ARHGEF4: variants seen among roughly 807,000 people sequenced by gnomAD.
ARHGEF4 encodes APC-stimulated guanine nucleotide exchange factor 1.
A neutral mutation model predicts 162.0 loss-of-function variants in ARHGEF4; 119 were observed. The observed-to-expected ratio is 0.73, with a 90% CI of 0.63 to 0.86. The LOEUF (loss-of-function observed/expected upper bound fraction) is 0.86, where lower values mean the gene tolerates loss of function less well. Among genes scored for constraint, ARHGEF4 ranks in the 40% least tolerant of loss-of-function variants. The pLI is 0.00. For missense variants in ARHGEF4, 2,488 were observed against 2,456.0 expected, an observed-to-expected ratio of 1.01 and a Z score of -0.28; for synonymous variants, 1,014 against 979.9, an observed-to-expected ratio of 1.03 and a Z score of -0.65.
chr2:130,946,558 G>T lies in ARHGEF4; in HGVS notation c.3908G>T (p.Arg1303Ile). ...ITSPESLNLP[R>I]RSHPLSQSAP... ...TCTCCAGAGTCTTTGAATCTCCCTA[G>T]AAGAAGCCATCCACTCTCCCAGAGT... The change falls in exon 4 of 14, where the codon AGA becomes ATA. Residue 1303 changes from arginine (R) to isoleucine (I), a missense_variant. By Grantham distance (97) the Arg-to-Ile change is moderately conservative. Coordinates refer to ENST00000409359, the MANE Select transcript of ARHGEF4 (RefSeq NM_001367493.1). 6.2e-7 allele frequency: 1 copy of T among 1,614,070 alleles called. No individual in the cohort carries two copies. Among genetic ancestry groups the T allele is most frequent in the Non-Finnish European group, 8.5e-7 (1 of 1,179,958 alleles).
chr2:130,970,604 A>G lies in ARHGEF4; in HGVS notation c.3985+23969A>G, dbSNP rs899207725. Among the ~76,000 whole-genome samples the G allele has an allele frequency of 2.6e-3, 393 of 151,368 alleles. 6 individuals are homozygous for G. Among genetic ancestry groups the G allele is most frequent in the African/African-American group, 8.3e-3 (343 of 41,244 alleles). Reference sequence around the variant, plus strand: ...AACTCCATCAAAAAAAAAAAAAAAAAAAAAGAAAAGCCATCTATTAGGTAT... The same window carrying G: ...AACTCCATCAAAAAAAAAAAAAAAAGAAAAGAAAAGCCATCTATTAGGTAT... On this transcript the variant is annotated intron_variant, in intron 4 of 13. Transcript: ENST00000409359.
chr2:131,025,847 A>G (rs1445384766), intron 4 of ARHGEF4, among the ~76,000 whole-genome samples: 1 of 152,212 alleles, frequency 6.6e-6, no homozygotes, highest in Non-Finnish European at 1.5e-5. Context: ...ATGTCTGAAA[A>G]GAGTCTTCAA....
chr2:130,967,036 G>T (rs111689375), intron 4 of ARHGEF4, among the ~76,000 whole-genome samples: 25 of 152,286 alleles, frequency 1.6e-4, no homozygotes, highest in African/African-American at 5.5e-4. Flanking sequence ...TGTGATTTTT[G>T]TGGTGGGGCC....
At chr2:130,967,994 A>C (rs1433798995) in intron 4 of ARHGEF4, among the ~76,000 whole-genome samples, 1 of 152,162 alleles carries the variant, frequency 6.6e-6, no homozygotes, top group African/African-American at 2.4e-5. Context: ...CTTGGTGTTC[A>C]GGGTGGAGGT....
chr2:130,955,247 G>A (rs1558765346), intron 4 of ARHGEF4, among the ~76,000 whole-genome samples: 1 of 151,914 alleles, frequency 6.6e-6, no homozygotes, highest in African/African-American at 2.4e-5. Context: ...TTACTACCTT[G>A]GACTTGATAA....
chr2:130,902,359 G>A (rs557792928), intron 1 of ARHGEF4, among the ~76,000 whole-genome samples: 2 of 152,144 alleles, frequency 1.3e-5, no homozygotes, highest in Admixed American at 6.5e-5. Flanking sequence ...TTTGGGAGGC[G>A]AAGGTGGGCA....
rs1681499114 is a variant in ARHGEF4, at chr2:130,916,392, G to A, written c.2446G>A (p.Ala816Thr). 1.3e-6 allele frequency: 2 copies of A among 1,530,432 alleles called. No individual in the cohort carries two copies. Among genetic ancestry groups the A allele is most frequent in the Non-Finnish European group, 1.8e-6 (2 of 1,141,798 alleles). 94.8% of individuals were successfully genotyped at this position (1,530,432 alleles called of 1,614,324 possible). Residue 816 changes from alanine to threonine, a missense_variant, in exon 2 of 14, where the codon GCC becomes ACC. Transcript: ENST00000409359. ...LATESPGGVP[A>T]PTTEGRRWGS... ...CACTGAGAGCCCAGGAGGGGTCCCG[G>A]CCCCGACCACCGAGGGTCGCCGCTG... is the stretch of plus-strand genomic sequence containing the variant.
chr2:130,899,233 T>G (rs1010755891), intron 1 of ARHGEF4, among the ~76,000 whole-genome samples: 17 of 152,216 alleles, frequency 1.1e-4, no homozygotes, highest in African/African-American at 4.1e-4. Flanking sequence ...TTCATGGGCA[T>G]GATACCAGGA....
In ARHGEF4 at chr2:130,999,073, A is replaced by G. The variant is rs374924728; in HGVS notation, c.3986-28872A>G. ...CAATTCCCTAATGACATACCTGTAT[A>G]TCTTCTTTGGTGAGATGTTTGTTCA... On this transcript the variant is annotated intron_variant, in intron 4 of 13. Coordinates refer to ENST00000409359, the MANE Select transcript of ARHGEF4 (RefSeq NM_001367493.1). Among the ~76,000 whole-genome samples, 5 of 151,956 alleles carry G rather than the reference A, an allele frequency of 3.3e-5. No homozygotes were observed. The East Asian group carries it at 7.7e-4, about 23-fold the overall frequency.
intron 1 of ARHGEF4, among the ~76,000 whole-genome samples, chr2:130,904,022 T>C (rs560230001): frequency 1.3e-5 from 2 of 152,352 alleles, no homozygotes; most frequent in East Asian, 3.9e-4. Context: ...TCTTTTCCTT[T>C]GGGTAGATAA....
intron 9 of ARHGEF4, 142 bp from the exon 10 acceptor site, chr2:131,041,673 G>T: frequency 8.0e-7 from 1 of 1,254,782 alleles, no homozygotes. Flanking sequence ...GGAGAAGAGA[G>T]GGGCTGTGCA....
At chr2:130,952,894 T>G (rs376974737) in intron 4 of ARHGEF4, among the ~76,000 whole-genome samples, 2 of 151,866 alleles carry the variant, frequency 1.3e-5, no homozygotes, top group South Asian at 2.1e-4. Context: ...CACTGCTCAA[T>G]GAAATAAAAG....
chr2:130,868,605 A>G (rs1202316169), intron 1 of ARHGEF4, among the ~76,000 whole-genome samples: 1 of 152,168 alleles, frequency 6.6e-6, no homozygotes, highest in African/African-American at 2.4e-5. Flanking sequence ...GAAAAGGCGA[A>G]ATCAGGGAGA....
intron 10 of ARHGEF4, among the ~76,000 whole-genome samples, chr2:131,042,774 C>A (rs757572388): frequency 8.5e-5 from 13 of 152,218 alleles, no homozygotes; most frequent in Non-Finnish European, 1.5e-4. Context: ...CCACCGCCAA[C>A]CACTCCCAGC....
intron 5 of ARHGEF4, chr2:131,035,334 C>A: frequency 8.7e-7 from 1 of 1,153,156 alleles, no homozygotes; most frequent in Non-Finnish European, 1.1e-6. Flanking sequence ...CACCCGCGGC[C>A]TCCGCACTGG....
At chr2:130,844,787 C>G (rs1472295793) in intron 1 of ARHGEF4, among the ~76,000 whole-genome samples, 1 of 151,864 alleles carries the variant, frequency 6.6e-6, no homozygotes, top group Non-Finnish European at 1.5e-5. Flanking sequence ...CCCCGCCAAC[C>G]TCTATTTTTG....
At chr2:130,956,767 A>G (rs1398960635) in intron 4 of ARHGEF4, among the ~76,000 whole-genome samples, 2 of 144,976 alleles carry the variant, frequency 1.4e-5, no homozygotes, top group Admixed American at 1.4e-4. Context: ...AAATTGAACA[A>G]TGAGAACACA....
At chr2:130,875,712 C>T (rs1227220574) in intron 1 of ARHGEF4, among the ~76,000 whole-genome samples, 1 of 152,178 alleles carries the variant, frequency 6.6e-6, no homozygotes, top group East Asian at 1.9e-4. Flanking sequence ...ATTTCCAAGG[C>T]ATGAATTCTG....
intron 4 of ARHGEF4, among the ~76,000 whole-genome samples, chr2:130,964,714 T>G (rs1162785854): frequency 6.6e-6 from 1 of 152,236 alleles, no homozygotes; most frequent in African/African-American, 2.4e-5. Flanking sequence ...CACCTGGCTG[T>G]GAGTGCGCTT....
Sources: allele counts gnomAD v4.1 joint callset (sites outside exome capture counted in the v4.1 genomes callset), GRCh38; gene constraint gnomAD v4.1.1; transcripts MANE v1.5; gene names NCBI Gene and HGNC (gene_info 2026-07-23, HGNC 2026-07-21).